Variants in FCGR3A observed in about 807,000 individuals in gnomAD.
FCGR3A encodes Fc gamma receptor IIIa, also known as low affinity immunoglobulin gamma Fc region receptor III-A.
Under a neutral mutation model 24.1 loss-of-function variants are expected in FCGR3A, and 13 were observed. That is an observed-to-expected ratio of 0.54 (90% confidence interval 0.35 to 0.86). The LOEUF (loss-of-function observed/expected upper bound fraction) is 0.86. Among genes scored for constraint, FCGR3A ranks in the 40% least tolerant of loss-of-function variants. The pLI, the probability that FCGR3A is intolerant of heterozygous loss-of-function variation, is 0.01. For synonymous variants in FCGR3A, 93 were observed against 112.2 expected (o/e 0.83, Z 1.08); for missense variants, 235 against 298.0 (o/e 0.79, Z 1.56).
intron 3 of FCGR3A, among the ~76,000 whole-genome samples, chr1:161,546,339 G>A (rs1356395254): frequency 1.3e-5 from 2 of 151,924 alleles, no homozygotes; most frequent in Non-Finnish European, 2.9e-5. Flanking sequence ...ATTCTTGTTC[G>A]AATCTATCCT....
intron 3 of FCGR3A, among the ~76,000 whole-genome samples, chr1:161,546,139 C>T (rs548409908): frequency 3.9e-5 from 6 of 152,070 alleles, no homozygotes; most frequent in South Asian, 2.1e-4. Flanking sequence ...ATTGGTAGGA[C>T]GTGTGTTGGT....
intron 3 of FCGR3A, among the ~76,000 whole-genome samples, chr1:161,546,829 C>T (rs535492150): frequency 1.3e-3 from 192 of 151,930 alleles, no homozygotes; most frequent in African/African-American, 4.2e-3. Flanking sequence ...TGCTTGAACC[C>T]GGGAGGTGGA....
intron 3 of FCGR3A, chr1:161,545,684 A>G (rs1205276254): frequency 6.6e-6 from 1 of 151,988 alleles, no homozygotes; most frequent in Non-Finnish European, 1.5e-5. Context: ...AAGAGAGGAA[A>G]TTCTTATATC....
chr1:161,544,844 C>A lies in FCGR3A; in HGVS notation c.434G>T (p.Gly145Val), dbSNP rs1380674371. The A allele has an allele frequency of 6.2e-7, 1 of 1,613,786 alleles. No homozygotes were observed. Among genetic ancestry groups the A allele is most frequent in the Non-Finnish European group, 8.5e-7 (1 of 1,179,928 alleles). ...ATGATGAAAATACTTCCTGCCTTTG[C>A]CATTCTGTAAATATGTGACCTTATG... ...ALHKVTYLQN[G>V]KGRKYFHHNS... is the part of the protein sequence containing the mutation. The change falls in exon 4 of 5, where the codon GGC becomes GTC. Residue 145 changes from glycine to valine, a missense_variant. Gly to Val is a moderately radical substitution (Grantham distance 109, BLOSUM62 -3). Transcript: ENST00000443193.
chr1:161,548,750 C>T (rs1297336181), intron 2 of FCGR3A, 72 bp from the exon 3 acceptor site: 29 of 1,608,264 alleles, frequency 1.8e-5, no homozygotes, highest in African/African-American at 4.0e-5. Flanking sequence ...CCCAGGGAGC[C>T]TCAAAGCCAG....
Position 161,544,899 on chromosome 1 carries a change from T to A in FCGR3A, c.379A>T (p.Arg127Trp). The change falls in exon 4 of 5, where the codon AGG becomes TGG. Residue 127 changes from arginine (R) to tryptophan (W), a missense_variant. Coordinates refer to ENST00000443193, the MANE Select transcript of FCGR3A (RefSeq NM_000569.8). ...VFKEEDPIHL[R>W]CHSWKNTALH... ...GCAGTGTTCTTCCAGCTGTGACACC[T>A]CAGGTGAATAGGGTCTTCCTCCTTG... 1.2e-6 allele frequency: 2 copies of A among 1,613,450 alleles called. No individual in the cohort carries two copies. The highest frequency in any genetic ancestry group is 1.7e-6 in the Non-Finnish European group (2 of 1,179,632).
chr1:161,549,953 A>G (rs1677680869), upstream of FCGR3A: 10 of 1,323,044 alleles, frequency 7.6e-6, no homozygotes, highest in East Asian at 1.4e-4. Flanking sequence ...AAGAGCCTGG[A>G]GGCAAGGTGG....
upstream of FCGR3A, chr1:161,549,954 G>A (rs1677681090): frequency 2.3e-6 from 3 of 1,306,180 alleles, no homozygotes; most frequent in Non-Finnish European, 3.2e-6. Flanking sequence ...AGAGCCTGGA[G>A]GCAAGGTGGG....
At chr1:161,548,892 C>A in intron 2 of FCGR3A, 119 bp downstream of exon 2, 1 of 1,144,162 alleles carries the variant, frequency 8.7e-7, no homozygotes, top group South Asian at 1.3e-5. Context: ...GTTGGAGGAA[C>A]TATCCCTGCT....
chr1:161,546,983 G>C (rs4047528), intron 3 of FCGR3A, among the ~76,000 whole-genome samples: 6 of 151,896 alleles, frequency 4.0e-5, no homozygotes, highest in South Asian at 2.1e-4. Flanking sequence ...GGACATAAGT[G>C]AAATGGGTCC....
At chr1:161,545,786 T>G (rs1350287056) in intron 3 of FCGR3A, 2 of 151,968 alleles carry the variant, frequency 1.3e-5, no homozygotes, top group African/African-American at 4.8e-5. Context: ...CCTGAATAAT[T>G]AAAAAATAAT....
intron 2 of FCGR3A, 39 bp downstream of exon 2, chr1:161,548,972 G>T: frequency 1.3e-6 from 2 of 1,593,702 alleles, no homozygotes; most frequent in Non-Finnish European, 1.7e-6. Context: ...CCCCATATGT[G>T]CCCCACTGGG....
At chr1:161,549,826 C>T, upstream of FCGR3A, 1 of 1,613,652 alleles carries the variant, frequency 6.2e-7, no homozygotes, top group East Asian at 2.2e-5. Flanking sequence ...AACAGCCTTT[C>T]CCCAGCCCCT....
chr1:161,547,587 C>A, intron 3 of FCGR3A, among the ~76,000 whole-genome samples: 1 of 152,184 alleles, frequency 6.6e-6, no homozygotes, highest in Non-Finnish European at 1.5e-5. Context: ...CATGTATCTG[C>A]CTCTATTGGA....
At position 161,543,152 on chromosome 1, in the gene FCGR3A, C is replaced by G. The variant is rs1212676969; in HGVS notation, c.625G>C (p.Val209Leu). ...AGTACCATCACCAAGCAGAAAGAGA[C>G]TTGGTACCCAGGTGGAAAGAATGAT... ...ISSFFPPGYQ[V>L]SFCLVMVLLF... The change falls in exon 5 of 5, where the codon GTC (valine) becomes CTC (leucine). Residue 209 changes from valine to leucine, a missense_variant. Coordinates refer to ENST00000443193, the MANE Select transcript of FCGR3A (RefSeq NM_000569.8). The G allele has an allele frequency of 1.2e-5, 20 of 1,613,278 alleles. No individual in the cohort carries two copies. The highest frequency in any genetic ancestry group is 1.7e-5 in the Non-Finnish European group (20 of 1,179,636).
At chr1:161,543,308 A>G in intron 4 of FCGR3A, 109 bp from the exon 5 acceptor site, 1 of 1,304,504 alleles carries the variant, frequency 7.7e-7, no homozygotes, top group Non-Finnish European at 1.1e-6. Context: ...CCAACAGGCA[A>G]GTGGTAGGAA....
chr1:161,544,775 C>A lies in FCGR3A; in HGVS notation c.503G>T (p.Gly168Val). 1 of 1,613,580 alleles carries A rather than the reference C, an allele frequency of 6.2e-7. No individual in the cohort carries two copies. Among genetic ancestry groups the A allele is most frequent in the Non-Finnish European group, 8.5e-7 (1 of 1,179,642 alleles). Residue 168 changes from glycine (G) to valine (V), a missense_variant, in exon 4 of 5, where the codon GGC becomes GTC. Physicochemically the swap from Gly to Val is moderately radical, Grantham distance 109. Transcript: ENST00000443193. ...AAAAAGCCCCCTGCAGAAGTAGGAG[C>A]CGCTGTCTTTGAGTGTGGCTTTTGG... ...YIPKATLKDS[G>V]SYFCRGLFGS...
intron 3 of FCGR3A, among the ~76,000 whole-genome samples, chr1:161,548,126 T>G (rs531199741): frequency 1.3e-5 from 2 of 152,408 alleles, no homozygotes; most frequent in Non-Finnish European, 1.5e-5. Context: ...TTATTGAGCA[T>G]CTATGCCATG....
chr1:161,547,674 T>G (rs1677487811), intron 3 of FCGR3A, among the ~76,000 whole-genome samples: 1 of 152,230 alleles, frequency 6.6e-6, no homozygotes, highest in Non-Finnish European at 1.5e-5. Flanking sequence ...AAAGATATGA[T>G]GCTAGGCCAC....
Sources: gnomAD v4.1 joint callset for allele counts (sites outside exome capture counted in the v4.1 genomes callset) on GRCh38, gnomAD v4.1.1 for gene constraint, MANE v1.5 for transcripts, NCBI Gene and HGNC (gene_info 2026-07-23, HGNC 2026-07-21) for gene names.